Variants in NXPE3 observed in about 807,000 individuals in gnomAD.
The protein encoded by NXPE3 is neurexophilin and PC-esterase domain family member 3, also known as NXPE family member 3.
In NXPE3, 26 loss-of-function variants were observed where a neutral mutation model predicts 46.1. The ratio of observed to expected loss-of-function variants is 0.56; its 90% CI spans 0.41 to 0.78. The LOEUF (loss-of-function observed/expected upper bound fraction) is 0.78. Among genes scored for constraint, NXPE3 ranks in the 30% least tolerant of loss-of-function variants. NXPE3 has a pLI of 0.00. For synonymous variants in NXPE3, 272 were observed against 257.9 expected (o/e 1.05, Z -0.52); for missense variants, 620 against 686.0 (o/e 0.90, Z 1.07).
chr3:101,785,450 T>C lies in NXPE3; in HGVS notation c.-147T>C. The stretch of plus-strand genomic sequence containing the variant: ...TTCTTGAATCAACTGCAGTCTCTCC[T>C]CTGCATAAGAGCTCTTAAGGGTACT... On this transcript the variant is annotated 5_prime_UTR_variant, in exon 4 of 8. Coordinates refer to ENST00000273347, the MANE Select transcript of NXPE3 (RefSeq NM_145037.4). 1 of 662,614 alleles carries C rather than the reference T, an allele frequency of 1.5e-6. No individual in the cohort carries two copies. Among genetic ancestry groups the C allele is most frequent in the Non-Finnish European group, 2.7e-6 (1 of 368,892 alleles). 41.0% of individuals were successfully genotyped at this position (662,614 alleles called of 1,614,324 possible).
rs1942389908 is a variant in NXPE3 at position 101,824,185 on chromosome 3, C to G, written c.*2231C>G. ...CCTTTGTGGCGAGTGCTCAGTGATTCTGATGCAATGGTGGTATTCCACACT... is the reference window on the plus strand; with the variant it reads ...CCTTTGTGGCGAGTGCTCAGTGATTGTGATGCAATGGTGGTATTCCACACT... On this transcript the variant is annotated 3_prime_UTR_variant, in exon 8 of 8. Coordinates refer to ENST00000273347, the MANE Select transcript of NXPE3 (RefSeq NM_145037.4). The G allele has an allele frequency of 6.6e-6, 1 of 150,674 alleles. No homozygotes were observed. The highest frequency in any genetic ancestry group is 2.5e-5 in the African/African-American group (1 of 40,778). The allele number at this position is 150,674 out of a possible 1,614,324, so 9.3% of individuals were successfully genotyped here. A position where few individuals can be genotyped will look rare whatever the true frequency, so the allele number is the denominator to read the frequency against.
intron 6 of NXPE3, among the ~76,000 whole-genome samples, chr3:101,813,510 C>T (rs912913700): frequency 6.6e-6 from 1 of 152,138 alleles, no homozygotes; most frequent in Non-Finnish European, 1.5e-5. Flanking sequence ...TGGCGTGACA[C>T]CCTTTGGAGG....
At position 101,782,180 on chromosome 3, in the gene NXPE3, C is replaced by A. The variant is rs925920672; in HGVS notation, c.-427C>A. 2.0e-5 allele frequency: 3 copies of A among 152,048 alleles called. No homozygotes were observed. The highest frequency in any genetic ancestry group is 6.5e-5 in the Admixed American group (1 of 15,268). The allele number at this position is 152,048 out of a possible 1,614,324, so 9.4% of individuals were successfully genotyped here. On this transcript the variant is annotated 5_prime_UTR_variant, in exon 2 of 8. Coordinates refer to ENST00000273347, the MANE Select transcript of NXPE3 (RefSeq NM_145037.4). ...ACATGTGGCATGAAAAAAATGAGGACCTCTGGTCAAAATTGCCTGAGTTCA... is the reference window on the plus strand; with the variant it reads ...ACATGTGGCATGAAAAAAATGAGGAACTCTGGTCAAAATTGCCTGAGTTCA...
At chr3:101,821,284 A>G (rs2107361989) in intron 7 of NXPE3, 120 bp from the exon 8 acceptor site, 1 of 734,166 alleles carries the variant, frequency 1.4e-6, no homozygotes, top group Non-Finnish European at 2.3e-6. Context: ...TTACATTTAT[A>G]TTGTACCTTT....
chr3:101,784,056 A>G (rs1287392031), intron 3 of NXPE3, among the ~76,000 whole-genome samples: 2 of 152,174 alleles, frequency 1.3e-5, no homozygotes. Flanking sequence ...TTCAAGGGGA[A>G]TTTCTGGCAC....
intron 3 of NXPE3, among the ~76,000 whole-genome samples, 173 bp downstream of exon 3, chr3:101,782,953 T>A (rs1939917302): frequency 6.6e-6 from 1 of 152,186 alleles, no homozygotes; most frequent in Non-Finnish European, 1.5e-5. Context: ...TGGCCCAGCT[T>A]TATTCTTTGT....
chr3:101,815,583 G>T (rs1941933206), intron 6 of NXPE3, among the ~76,000 whole-genome samples: 1 of 152,172 alleles, frequency 6.6e-6, no homozygotes, highest in Non-Finnish European at 1.5e-5. Context: ...ATGTAATCAG[G>T]CTGGGCATGG....
At chr3:101,785,811 A>T (rs868045568) in intron 4 of NXPE3, 122 bp downstream of exon 4, 1 of 772,730 alleles carries the variant, frequency 1.3e-6, no homozygotes, top group Non-Finnish European at 2.3e-6. Flanking sequence ...GTTTTCATTT[A>T]TTCGGTAAGT....
intron 4 of NXPE3, among the ~76,000 whole-genome samples, chr3:101,793,621 C>A (rs1576740087): frequency 1.4e-4 from 8 of 58,292 alleles, no homozygotes; most frequent in Admixed American, 2.9e-4. Flanking sequence ...TATTAATTGA[C>A]AAGGTCTTTT....
intron 5 of NXPE3, among the ~76,000 whole-genome samples, chr3:101,803,470 T>C (rs1028261254): frequency 6.6e-6 from 1 of 152,216 alleles, no homozygotes; most frequent in Non-Finnish European, 1.5e-5. Flanking sequence ...TCACAACTCC[T>C]CAAAACAAAA....
intron 4 of NXPE3, among the ~76,000 whole-genome samples, chr3:101,794,731 G>C (rs1046893682): frequency 3.9e-5 from 6 of 152,180 alleles, no homozygotes; most frequent in Non-Finnish European, 5.9e-5. Flanking sequence ...GAGAGACAGA[G>C]AGACTTGAGA....
At chr3:101,805,661 G>A (rs646970) in intron 5 of NXPE3, among the ~76,000 whole-genome samples, 151,896 of 152,244 alleles carry the variant, frequency 1, 75,775 homozygotes, top group Middle Eastern at 1. Flanking sequence ...GCTGGTCTCA[G>A]ACTCCTGGCC....
intron 7 of NXPE3, among the ~76,000 whole-genome samples, chr3:101,817,256 T>G (rs574321058): frequency 6.6e-6 from 1 of 152,302 alleles, no homozygotes; most frequent in Non-Finnish European, 1.5e-5. Flanking sequence ...GACAAGTCAT[T>G]TACTTTTTAG....
At chr3:101,787,333 G>A (rs1940249019) in intron 4 of NXPE3, among the ~76,000 whole-genome samples, 1 of 152,178 alleles carries the variant, frequency 6.6e-6, no homozygotes, top group African/African-American at 2.4e-5. Context: ...TTGAGACAGA[G>A]TCTCGCTCTG....
intron 6 of NXPE3, among the ~76,000 whole-genome samples, chr3:101,811,770 G>C (rs943517282): frequency 3.2e-5 from 4 of 126,278 alleles, no homozygotes; most frequent in African/African-American, 1.2e-4. Flanking sequence ...GTCTCGCTCT[G>C]TCGCCCAGGC....
chr3:101,817,128 G>A, intron 7 of NXPE3, 127 bp downstream of exon 7: 2 of 800,418 alleles, frequency 2.5e-6, no homozygotes, highest in East Asian at 4.9e-5. Context: ...GACTAAAGAG[G>A]TACCCAAACC....
chr3:101,816,900 AC>A lies in NXPE3; in HGVS notation c.1031del (p.Pro344LeufsTer35), dbSNP rs1292319144. 3.7e-6 allele frequency: 6 copies of A among 1,613,978 alleles called. No homozygotes were observed. The highest frequency in any genetic ancestry group is 5.1e-6 in the Non-Finnish European group (6 of 1,179,962). ...PRKFKMRQFN[D>X]PDNITECLQR... ...AAGTTTAAGATGCGTCAGTTTAATG[AC>A]CCTGACAACATTACAGAGTGCTTAC... On this transcript the variant is annotated frameshift_variant, in exon 7 of 8. Coordinates refer to ENST00000273347, the MANE Select transcript of NXPE3 (RefSeq NM_145037.4). LOFTEE classifies it high-confidence loss of function.
rs1942407679 is a variant in NXPE3, at chr3:101,824,581, T to G, written c.*2627T>G. On this transcript the variant is annotated 3_prime_UTR_variant, in exon 8 of 8. Coordinates refer to ENST00000273347, the MANE Select transcript of NXPE3 (RefSeq NM_145037.4). ...CCTCAGCCTCCTGAGTAGCTGGGAC[T>G]ACAGGTATGTACCACCATGCCCAGC... The G allele has an allele frequency of 6.6e-6, 1 of 152,336 alleles. No individual in the cohort carries two copies. The allele number at this position is 152,336 out of a possible 1,614,324, so 9.4% of individuals were successfully genotyped here.
intron 4 of NXPE3, among the ~76,000 whole-genome samples, chr3:101,791,731 G>C (rs1488437104): frequency 2.6e-5 from 4 of 152,162 alleles, no homozygotes; most frequent in Non-Finnish European, 5.9e-5. Flanking sequence ...CTGCTGTTGT[G>C]AATAGTGCTG....
Sources: allele counts gnomAD v4.1 joint callset (sites outside exome capture counted in the v4.1 genomes callset), GRCh38; gene constraint gnomAD v4.1.1; transcripts MANE v1.5; gene names NCBI Gene and HGNC (gene_info 2026-07-23, HGNC 2026-07-21).